Variants in MUCL1 observed in about 807,000 individuals in gnomAD.
MUCL1 encodes mucin-like protein 1.
Under a neutral mutation model 9.2 loss-of-function variants are expected in MUCL1, and 11 were observed. The ratio of observed to expected loss-of-function variants is 1.19; its 90% CI spans 0.75 to 1.97. The LOEUF (loss-of-function observed/expected upper bound fraction) is 1.97. MUCL1 is among the 30% of genes most tolerant of loss of function. MUCL1 has a pLI of 0.00. For synonymous variants in MUCL1, 48 were observed against 40.5 expected, an observed-to-expected ratio of 1.19 and a Z score of -0.71; for missense variants, 144 against 110.9, an observed-to-expected ratio of 1.30 and a Z score of -1.34.
upstream of MUCL1, among the ~76,000 whole-genome samples, chr12:54,852,194 G>T (rs1401158594): frequency 6.6e-6 from 1 of 152,166 alleles, no homozygotes. Flanking sequence ...AGCCCACATT[G>T]CCAAGTCAAT....
chr12:54,832,553 C>A (rs1009860838), intron 1 of MUCL1, among the ~76,000 whole-genome samples: 1 of 152,032 alleles, frequency 6.6e-6, no homozygotes, highest in Non-Finnish European at 1.5e-5. Context: ...TTTGGTTAAA[C>A]GGATAACTGT....
At position 54,832,336 on chromosome 12, in the gene MUCL1, G is replaced by A. The variant is rs572336195; in HGVS notation, n.357+1461G>A. Among the ~76,000 whole-genome samples the A allele has an allele frequency of 3.2e-4, 49 of 152,200 alleles. 1 individual carries two copies. Among genetic ancestry groups the A allele is most frequent in the Non-Finnish European group, 1.2e-4 (8 of 67,968 alleles). On this transcript the variant is annotated intron_variant and non_coding_transcript_variant, in intron 1 of 3. Transcript: ENST00000547990. The stretch of plus-strand genomic sequence containing the variant: ...GGGATTATTGGTTTGCTCTTAATAA[G>A]AGATTGTGAAAGGCTTTTCTTTAAC...
upstream of MUCL1, among the ~76,000 whole-genome samples, chr12:54,849,562 A>G (rs1959305951): frequency 6.6e-6 from 1 of 152,126 alleles, no homozygotes; most frequent in Admixed American, 6.6e-5. Context: ...CCACTAGTAT[A>G]TAGTGTATAC....
rs570172774 is a variant in MUCL1, at chr12:54,857,994, C to T, written c.224-199C>T. ...TAAAGTTCCAACCTACCTGGGCTTCCGTCTAAGGCTATATTTCCAAAATCT... is the reference window on the plus strand; with the variant it reads ...TAAAGTTCCAACCTACCTGGGCTTCTGTCTAAGGCTATATTTCCAAAATCT... On this transcript the variant is annotated intron_variant, in intron 3 of 3. Transcript: ENST00000308796. 1.8e-4 allele frequency among the ~76,000 whole-genome samples: 27 copies of T among 152,210 alleles called. 1 individual carries two copies. The highest frequency in any genetic ancestry group is 8.3e-4 in the South Asian group (4 of 4,816).
At chr12:54,854,998 C>A in intron 1 of MUCL1, 118 bp from the exon 2 acceptor site, 1 of 819,304 alleles carries the variant, frequency 1.2e-6, no homozygotes, top group Non-Finnish European at 2.0e-6. Context: ...TCAACTGGTA[C>A]ACCAAGGACT....
chr12:54,852,412 T>C (rs1010334859), upstream of MUCL1, among the ~76,000 whole-genome samples: 1 of 152,182 alleles, frequency 6.6e-6, no homozygotes, highest in Non-Finnish European at 1.5e-5. Flanking sequence ...GGGGAAAGGA[T>C]TCCCTATTTA....
intron 1 of MUCL1, among the ~76,000 whole-genome samples, chr12:54,833,387 C>T (rs1472710482): frequency 6.6e-6 from 1 of 152,096 alleles, no homozygotes; most frequent in African/African-American, 2.4e-5. Context: ...ATCCACATAT[C>T]TTTACAGTTA....
chr12:54,846,534 C>T (rs1959259263), intron 1 of MUCL1, among the ~76,000 whole-genome samples: 1 of 152,004 alleles, frequency 6.6e-6, no homozygotes, highest in African/African-American at 2.4e-5. Context: ...AGCCCTTCAA[C>T]ATTAGTGGGA....
intron 1 of MUCL1, among the ~76,000 whole-genome samples, chr12:54,833,486 T>G (rs909080724): frequency 1.3e-5 from 2 of 152,182 alleles, no homozygotes; most frequent in Non-Finnish European, 2.9e-5. Context: ...TTTTAATTTT[T>G]TTCCTTATGT....
chr12:54,833,335 A>G (rs1238466865), intron 1 of MUCL1, among the ~76,000 whole-genome samples: 1 of 152,104 alleles, frequency 6.6e-6, no homozygotes. Flanking sequence ...TTTTCCTTTT[A>G]TTTAGTTTCA....
At chr12:54,849,280 A>T (rs1245106679) in intron 1 of MUCL1, among the ~76,000 whole-genome samples, 1 of 152,138 alleles carries the variant, frequency 6.6e-6, no homozygotes, top group African/African-American at 2.4e-5. Flanking sequence ...TATTGATGAT[A>T]GCAGTGTATG....
At chr12:54,857,889 C>T (rs1216166079) in intron 3 of MUCL1, among the ~76,000 whole-genome samples, 1 of 152,144 alleles carries the variant, frequency 6.6e-6, no homozygotes, top group African/African-American at 2.4e-5. Flanking sequence ...AATGGCTTTT[C>T]TCTCTTACCA....
intron 1 of MUCL1, among the ~76,000 whole-genome samples, chr12:54,846,074 G>C (rs530127157): frequency 4.1e-4 from 63 of 151,970 alleles, no homozygotes; most frequent in Non-Finnish European, 8.2e-4. Context: ...CTTGTCCTTC[G>C]AGCCCATATG....
chr12:54,838,309 A>G (rs1225166521), upstream of MUCL1, among the ~76,000 whole-genome samples: 1 of 152,084 alleles, frequency 6.6e-6, no homozygotes. Flanking sequence ...TGTTAGTTTG[A>G]TATGTTTTCC....
chr12:54,845,223 G>T (rs1189322643), intron 1 of MUCL1, among the ~76,000 whole-genome samples: 4 of 151,820 alleles, frequency 2.6e-5, no homozygotes, highest in African/African-American at 7.3e-5. Context: ...CTTTCATTGG[G>T]TATACTTTGT....
chr12:54,850,226 T>C (rs1338440664), upstream of MUCL1, among the ~76,000 whole-genome samples: 1 of 152,120 alleles, frequency 6.6e-6, no homozygotes, highest in Non-Finnish European at 1.5e-5. Flanking sequence ...TTGTTACATA[T>C]GTATACATGT....
chr12:54,846,137 C>A (rs1177655446), intron 1 of MUCL1, among the ~76,000 whole-genome samples: 1 of 152,214 alleles, frequency 6.6e-6, no homozygotes, highest in East Asian at 1.9e-4. Context: ...AGAAAATGGT[C>A]ACACTGGCCC....
rs981511558 is a variant in MUCL1, at chr12:54,854,520, C to T, written c.-63C>T. 1.6e-5 allele frequency: 22 copies of T among 1,361,820 alleles called. No homozygotes were observed. Among genetic ancestry groups the T allele is most frequent in the Non-Finnish European group, 2.3e-5 (22 of 960,592 alleles). The allele number at this position is 1,361,820 out of a possible 1,614,324, so 84.4% of individuals were successfully genotyped here. On this transcript the variant is annotated 5_prime_UTR_variant, in exon 1 of 4. Coordinates refer to ENST00000308796, the MANE Select transcript of MUCL1 (RefSeq NM_058173.3). ...AGGATGTGGAATCCTGAAGTCAGCG[C>T]CTTGCCTTCTCTTAGGCTTTGAAGC...
At chr12:54,838,117 A>G (rs756803053), upstream of MUCL1, among the ~76,000 whole-genome samples, 5 of 152,166 alleles carry the variant, frequency 3.3e-5, no homozygotes, top group Non-Finnish European at 7.4e-5. Context: ...TTCTTGTAGG[A>G]CTGGTCTGGT....
Sources: gnomAD v4.1 joint callset for allele counts (sites outside exome capture counted in the v4.1 genomes callset) on GRCh38, gnomAD v4.1.1 for gene constraint, MANE v1.5 for transcripts, NCBI Gene and HGNC (gene_info 2026-07-23, HGNC 2026-07-21) for gene names.